HIRA: variants seen among roughly 807,000 people sequenced by gnomAD.
HIRA encodes protein HIRA.
In HIRA, 13 loss-of-function variants were observed where a neutral mutation model predicts 126.6. The ratio of observed to expected loss-of-function variants is 0.10; its 90% CI spans 0.07 to 0.16. The LOEUF (loss-of-function observed/expected upper bound fraction) is 0.16. HIRA is among the 10% of genes least tolerant of loss of function. HIRA has a pLI of 1.00. For missense variants in HIRA, 834 were observed against 1,314.4 expected, an observed-to-expected ratio of 0.63 and a Z score of 5.65; for synonymous variants, 511 against 520.0, an observed-to-expected ratio of 0.98 and a Z score of 0.24.
chr22:19,343,512 G>A (rs938758830), intron 24 of HIRA, among the ~76,000 whole-genome samples: 3 of 152,144 alleles, frequency 2.0e-5, no homozygotes, highest in Non-Finnish European at 2.9e-5. Flanking sequence ...GAAGTAAGTC[G>A]AGATTACACC....
chr22:19,351,286 G>A lies in HIRA; in HGVS notation c.2937+72C>T. The A allele has an allele frequency of 6.4e-7, 1 of 1,559,290 alleles. No homozygotes were observed. Among genetic ancestry groups the A allele is most frequent in the South Asian group, 1.2e-5 (1 of 82,942 alleles). ...CGGGACACAATTTCAAAGCACTTTG[G>A]CTTATTTAAAAAATCTCCACCTTCA... On this transcript the variant is annotated intron_variant, in intron 24 of 24. Transcript: ENST00000263208. This position sits in a 1 kb window ranked among gnomAD's most constrained non-coding sequence, Gnocchi z 4.8.
At position 19,331,377 on chromosome 22, in the gene HIRA, G is replaced by A. The variant is rs782106531; in HGVS notation, c.*63C>T. ...GCCTGGTCAGGTGAGAGGCGGTCCT[G>A]CATGTCATCAGCGGCGAGAGTGTGG... On this transcript the variant is annotated 3_prime_UTR_variant, in exon 25 of 25. Coordinates refer to ENST00000263208, the MANE Select transcript of HIRA (RefSeq NM_003325.4). The A allele has an allele frequency of 3.1e-6, 5 of 1,609,046 alleles. No homozygotes were observed. The highest frequency in any genetic ancestry group is 1.7e-5 in the Admixed American group (1 of 59,972).
intron 18 of HIRA, among the ~76,000 whole-genome samples, chr22:19,358,156 C>T (rs782128396): frequency 3.3e-5 from 5 of 152,234 alleles, no homozygotes; most frequent in African/African-American, 1.2e-4. Flanking sequence ...CATGCTACCA[C>T]GCCTGGCTAA....
intron 1 of HIRA, among the ~76,000 whole-genome samples, chr22:19,423,415 G>T (rs952769721): frequency 6.6e-6 from 1 of 151,320 alleles, no homozygotes; most frequent in Admixed American, 6.6e-5. Context: ...CAAGAGCCTG[G>T]CATGCTGCTT....
At chr22:19,406,393 A>C (rs1481582917) in intron 4 of HIRA, among the ~76,000 whole-genome samples, 1 of 152,240 alleles carries the variant, frequency 6.6e-6, no homozygotes, top group African/African-American at 2.4e-5. Flanking sequence ...TCTCACAATG[A>C]ATCAAATGGC....
chr22:19,395,440 C>T (rs146592908), intron 7 of HIRA, among the ~76,000 whole-genome samples: 10 of 152,278 alleles, frequency 6.6e-5, no homozygotes, highest in African/African-American at 2.4e-4. Context: ...AGGAGTCCAC[C>T]TCATGGGACC....
At chr22:19,336,672 G>A (rs193122933) in intron 24 of HIRA, among the ~76,000 whole-genome samples, 103 of 152,360 alleles carry the variant, frequency 6.8e-4, no homozygotes, top group Non-Finnish European at 1.3e-3. Context: ...GCAGGTGCTG[G>A]TATCCACAGC....
At chr22:19,341,131 C>A (rs1335002755) in intron 24 of HIRA, among the ~76,000 whole-genome samples, 1 of 151,842 alleles carries the variant, frequency 6.6e-6, no homozygotes, top group Admixed American at 6.6e-5. Flanking sequence ...GTCTGGGCAA[C>A]ATGGCGAAAC....
At chr22:19,353,807 C>G (rs782329009) in intron 22 of HIRA, among the ~76,000 whole-genome samples, 189 bp downstream of exon 22, 1 of 152,194 alleles carries the variant, frequency 6.6e-6, no homozygotes, top group Non-Finnish European at 1.5e-5. Flanking sequence ...CAAGATATTA[C>G]CTGATGCAGG....
At chr22:19,388,343 AC>A (rs1466669347) in intron 10 of HIRA, 140 bp downstream of exon 10, 3 of 623,636 alleles carry the variant, frequency 4.8e-6, no homozygotes, top group Non-Finnish European at 8.7e-6. Context: ...TCACGTGCAA[AC>A]AGCACTCTTG....
intron 1 of HIRA, among the ~76,000 whole-genome samples, chr22:19,420,137 C>T (rs2089432472): frequency 6.6e-6 from 1 of 151,874 alleles, no homozygotes; most frequent in African/African-American, 2.4e-5. Context: ...AATCACTTCT[C>T]CTGAAGCATC....
chr22:19,388,625 T>A (rs759421237), intron 9 of HIRA, 71 bp from the exon 10 acceptor site: 3 of 1,207,896 alleles, frequency 2.5e-6, no homozygotes, highest in Non-Finnish European at 3.7e-6. Flanking sequence ...TCAGTTAACA[T>A]AACCAACCTA....
At position 19,351,421 on chromosome 22, in the gene HIRA, T is replaced by G; in HGVS notation, c.2874A>C (p.Ile958=). The G allele has an allele frequency of 6.2e-7, 1 of 1,613,744 alleles. No homozygotes were observed. Among genetic ancestry groups the G allele is most frequent in the South Asian group, 1.1e-5 (1 of 90,982 alleles). ...NEGFEYRLRE[I]CKDLLGPVHY... ...GAACCGGACCCAGTAAGTCCTTGCATATTTCTCGAAGTCGGTATTCAAACC... is the reference window on the plus strand; with the variant it reads ...GAACCGGACCCAGTAAGTCCTTGCAGATTTCTCGAAGTCGGTATTCAAACC... The change falls in exon 24 of 25, where the codon ATA becomes ATC. Residue 958 remains isoleucine, a synonymous_variant. Transcript: ENST00000263208. This position sits in a 1 kb window ranked among gnomAD's most constrained non-coding sequence, Gnocchi z 4.8.
chr22:19,358,266 A>G (rs2088832384), intron 18 of HIRA, among the ~76,000 whole-genome samples: 1 of 152,230 alleles, frequency 6.6e-6, no homozygotes, highest in Admixed American at 6.5e-5. Flanking sequence ...AGCCTGGCTC[A>G]AGCCAGCCCA....
chr22:19,380,611 TTTTA>T (rs571446092), intron 13 of HIRA, among the ~76,000 whole-genome samples: 2 of 152,062 alleles, frequency 1.3e-5, no homozygotes, highest in Non-Finnish European at 1.5e-5. Flanking sequence ...GATAACTTTA[TTTTA>T]TTTATTTATT....
intron 7 of HIRA, among the ~76,000 whole-genome samples, chr22:19,395,772 G>A (rs539328903): frequency 9.2e-5 from 14 of 152,234 alleles, no homozygotes; most frequent in South Asian, 2.1e-4. Context: ...TCTTTCCTAT[G>A]GGGCTTTAAG....
chr22:19,378,913 G>A (rs981528885), intron 13 of HIRA, among the ~76,000 whole-genome samples: 7 of 152,150 alleles, frequency 4.6e-5, no homozygotes, highest in Admixed American at 2.0e-4. Context: ...GTATGAGAGC[G>A]CCTATTTCTC....
chr22:19,405,627 C>A (rs980380080), intron 5 of HIRA, 159 bp downstream of exon 5: 3 of 625,972 alleles, frequency 4.8e-6, no homozygotes, highest in Non-Finnish European at 6.0e-6. Context: ...CTGCACAGAT[C>A]TTAAGGGACA....
At chr22:19,395,346 C>A (rs1601842470) in intron 7 of HIRA, among the ~76,000 whole-genome samples, 1 of 152,126 alleles carries the variant, frequency 6.6e-6, no homozygotes, top group African/African-American at 2.4e-5. Flanking sequence ...CCACCCCCTA[C>A]CTGGAAGGAT....
Sources: allele counts gnomAD v4.1 joint callset (sites outside exome capture counted in the v4.1 genomes callset), GRCh38; gene constraint gnomAD v4.1.1; non-coding constraint Gnocchi (gnomAD v3.1); transcripts MANE v1.5; gene names NCBI Gene and HGNC (gene_info 2026-07-23, HGNC 2026-07-21).